The following SPAG16 variants were observed in gnomAD, a reference collection of about 807,000 sequenced individuals.
SPAG16 encodes the protein sperm associated antigen 16.
Under a neutral mutation model 80.4 loss-of-function variants are expected in SPAG16, and 86 were observed. The observed-to-expected ratio is 1.07, with a 90% CI of 0.90 to 1.28. The LOEUF is 1.28. SPAG16 is among the 50% of genes most tolerant of loss of function. SPAG16 has a pLI of 0.00. For missense variants in SPAG16, 870 were observed against 765.3 expected, an observed-to-expected ratio of 1.14 and a Z score of -1.61; for synonymous variants, 294 against 265.9, an observed-to-expected ratio of 1.11 and a Z score of -1.03.
intron 13 of SPAG16, among the ~76,000 whole-genome samples, chr2:214,069,112 G>C (rs2050666680): frequency 6.6e-6 from 1 of 152,012 alleles, no homozygotes; most frequent in Admixed American, 6.6e-5. Flanking sequence ...CAAATTTTCT[G>C]TGTGATTATT....
chr2:213,504,066 G>C (rs1489741612), intron 10 of SPAG16, among the ~76,000 whole-genome samples: 4 of 152,256 alleles, frequency 2.6e-5, no homozygotes, highest in African/African-American at 9.6e-5. Flanking sequence ...AGTTATTGCT[G>C]GTCTGGAAGT....
intron 6 of SPAG16, among the ~76,000 whole-genome samples, chr2:213,349,317 T>C (rs1575308786): frequency 6.6e-6 from 1 of 151,786 alleles, no homozygotes; most frequent in East Asian, 1.9e-4. Context: ...AAATGAAAAA[T>C]AAGAGCTGAA....
chr2:213,702,417 A>G (rs954165246), intron 10 of SPAG16, among the ~76,000 whole-genome samples: 3 of 152,034 alleles, frequency 2.0e-5, no homozygotes, highest in South Asian at 2.1e-4. Flanking sequence ...GAGCTGTAAC[A>G]CTCACCGCGA....
At chr2:213,660,064 T>C (rs974505644) in intron 10 of SPAG16, among the ~76,000 whole-genome samples, 10 of 152,164 alleles carry the variant, frequency 6.6e-5, no homozygotes, top group African/African-American at 2.4e-4. Context: ...ATGTACACTT[T>C]CTAAAGGTAT....
At chr2:213,412,939 G>T (rs2069060916) in intron 9 of SPAG16, among the ~76,000 whole-genome samples, 1 of 152,072 alleles carries the variant, frequency 6.6e-6, no homozygotes, top group Admixed American at 6.5e-5. Context: ...TTATTAAATT[G>T]ATAATTTTAA....
intron 13 of SPAG16, among the ~76,000 whole-genome samples, chr2:214,093,351 T>C (rs1345663308): frequency 6.6e-6 from 1 of 152,086 alleles, no homozygotes; most frequent in Non-Finnish European, 1.5e-5. Flanking sequence ...TTTATTGCCA[T>C]AGTAATGCTT....
At chr2:213,900,891 T>C (rs977754165) in intron 11 of SPAG16, among the ~76,000 whole-genome samples, 1 of 152,194 alleles carries the variant, frequency 6.6e-6, no homozygotes, top group Non-Finnish European at 1.5e-5. Context: ...AACTATATCC[T>C]GTGTTTTCAT....
At chr2:213,807,430 C>T (rs555430532) in intron 10 of SPAG16, among the ~76,000 whole-genome samples, 23 of 152,176 alleles carry the variant, frequency 1.5e-4, no homozygotes, top group African/African-American at 5.5e-4. Context: ...AGTGCCTATC[C>T]CAGCCCACTT....
At chr2:213,613,333 C>T (rs1365345629) in intron 10 of SPAG16, among the ~76,000 whole-genome samples, 1 of 152,174 alleles carries the variant, frequency 6.6e-6, no homozygotes, top group East Asian at 1.9e-4. Flanking sequence ...AGCTGAAGTC[C>T]TTCTAATTAC....
intron 11 of SPAG16, among the ~76,000 whole-genome samples, chr2:213,884,712 T>A (rs1395881685): frequency 1.3e-5 from 2 of 152,228 alleles, no homozygotes; most frequent in Non-Finnish European, 2.9e-5. Flanking sequence ...TTTATTTTTA[T>A]CTTACTGTGT....
chr2:214,400,309 A>G (rs576524683), intron 15 of SPAG16, among the ~76,000 whole-genome samples: 2 of 152,174 alleles, frequency 1.3e-5, no homozygotes, highest in East Asian at 3.9e-4. Context: ...TAAAGACAGA[A>G]AAAGATGATA....
In SPAG16 at chr2:213,825,701, CTTTTTTTTTTTT is replaced by C. The variant is rs55777958; in HGVS notation, c.1071-36773_1071-36762del. On this transcript the variant is annotated intron_variant, in intron 10 of 15. Coordinates refer to ENST00000331683, the MANE Select transcript of SPAG16 (RefSeq NM_024532.5). ...TGTAGTTTTCTTTCTTTCTTTCTTT[CTTTTTTTTTTTT>C]TTTTTTTTTTGATGTGTCTTTGTTT... Among the ~76,000 whole-genome samples, 13 of 109,794 alleles carry C rather than the reference CTTTTTTTTTTTT, an allele frequency of 1.2e-4. No homozygotes were observed. The South Asian group carries it at 3.4e-3, about 29-fold the overall frequency. The allele number at this position is 109,794 out of a possible 152,430, so 72.0% of individuals were successfully genotyped here.
In SPAG16 at chr2:213,425,508, TG is replaced by T. The variant is rs1194354523; in HGVS notation, c.942+50392del. Among the ~76,000 whole-genome samples, 3 of 151,514 alleles carry T rather than the reference TG, an allele frequency of 2.0e-5. No homozygotes were observed. In the East Asian group the frequency reaches 5.8e-4, roughly 30 times the overall value. ...CTACTAAAAATACAAAAAAATTAACTGGGTGTGGTGGCATGTGCCTGTAATC... is the reference window on the plus strand; with the variant it reads ...CTACTAAAAATACAAAAAAATTAACTGGTGTGGTGGCATGTGCCTGTAATC... On this transcript the variant is annotated intron_variant, in intron 9 of 15. Coordinates refer to ENST00000331683, the MANE Select transcript of SPAG16 (RefSeq NM_024532.5).
chr2:213,816,792 T>C (rs902970260), intron 10 of SPAG16, among the ~76,000 whole-genome samples: 1 of 152,122 alleles, frequency 6.6e-6, no homozygotes, highest in Non-Finnish European at 1.5e-5. Flanking sequence ...ATATGCATAA[T>C]TTCATATTTT....
chr2:213,548,693 T>C lies in SPAG16; in HGVS notation c.1070+58603T>C, dbSNP rs1201444631. On this transcript the variant is annotated intron_variant, in intron 10 of 15. Coordinates refer to ENST00000331683, the MANE Select transcript of SPAG16 (RefSeq NM_024532.5). ...TTCATATGTTTTCTCCATTTTTCTT[T>C]TGATGTGGTTATTTCAGTTTCTATG... Among the ~76,000 whole-genome samples, 7 of 152,284 alleles carry C rather than the reference T, an allele frequency of 4.6e-5. No homozygotes were observed. The East Asian group carries it at 1.2e-3, about 25-fold the overall frequency.
chr2:214,052,649 T>C (rs1322089263), intron 13 of SPAG16, among the ~76,000 whole-genome samples: 1 of 152,176 alleles, frequency 6.6e-6, no homozygotes, highest in African/African-American at 2.4e-5. Context: ...CAAGAAAAGC[T>C]ATTTTTAAAA....
At chr2:213,435,427 T>C (rs1446277289) in intron 9 of SPAG16, among the ~76,000 whole-genome samples, 1 of 152,168 alleles carries the variant, frequency 6.6e-6, no homozygotes, top group Non-Finnish European at 1.5e-5. Flanking sequence ...AATTACTTAA[T>C]GGGTACAATG....
chr2:213,684,643 T>C (rs1234955283), intron 10 of SPAG16, among the ~76,000 whole-genome samples: 1 of 152,196 alleles, frequency 6.6e-6, no homozygotes, highest in East Asian at 1.9e-4. Flanking sequence ...TACCAGACCC[T>C]CATGACTTTT....
intron 15 of SPAG16, among the ~76,000 whole-genome samples, chr2:214,327,373 A>G (rs1462976274): frequency 6.6e-6 from 1 of 152,170 alleles, no homozygotes; most frequent in Non-Finnish European, 1.5e-5. Flanking sequence ...CAAGTTACTT[A>G]ACCTCTCTGT....
Sources: allele counts gnomAD v4.1 joint callset (sites outside exome capture counted in the v4.1 genomes callset), GRCh38; gene constraint gnomAD v4.1.1; transcripts MANE v1.5; gene names NCBI Gene and HGNC (gene_info 2026-07-23, HGNC 2026-07-21).